Variants in ITK observed in about 807,000 individuals in gnomAD.
ITK encodes IL2 inducible T cell kinase.
Under a neutral mutation model 87.6 loss-of-function variants are expected in ITK, and 45 were observed. The observed-to-expected ratio is 0.51, with a 90% confidence interval of 0.40 to 0.66. The LOEUF (loss-of-function observed/expected upper bound fraction) is 0.66. ITK is among the 30% of genes least tolerant of loss of function. The pLI is 0.00. For missense variants in ITK, 605 were observed against 766.3 expected, an observed-to-expected ratio of 0.79 and a Z score of 2.48; for synonymous variants, 303 against 273.6, an observed-to-expected ratio of 1.11 and a Z score of -1.06.
intron 1 of ITK, among the ~76,000 whole-genome samples, chr5:157,201,603 C>G (rs1020595384): frequency 7.2e-5 from 11 of 151,878 alleles, no homozygotes; most frequent in Admixed American, 5.9e-4. Context: ...GGCCAATTTC[C>G]ACTTTTAACA....
chr5:157,186,187 C>T (rs1175016479), intron 1 of ITK, among the ~76,000 whole-genome samples: 1 of 152,252 alleles, frequency 6.6e-6, no homozygotes, highest in East Asian at 1.9e-4. Context: ...TGGGTTATTA[C>T]ACAGTATGCA....
intron 16 of ITK, among the ~76,000 whole-genome samples, chr5:157,249,762 T>C (rs151317680): frequency 2.2e-4 from 33 of 152,334 alleles, no homozygotes; most frequent in African/African-American, 7.2e-4. Context: ...TAAATAATGC[T>C]TGGTCTGTGA....
At chr5:157,205,487 T>TTTAAAACATTTTAAAA (rs1157056870) in intron 1 of ITK, among the ~76,000 whole-genome samples, 1 of 152,222 alleles carries the variant, frequency 6.6e-6, no homozygotes, top group East Asian at 1.9e-4. Flanking sequence ...TAAAAGACAT[T>TTTAAAACATTTTAAAA]TGTTTACATT....
rs1753502417 is a variant in ITK at position 157,181,048 on chromosome 5, C to T, written c.71C>T (p.Ser24Leu). ...CAACAAAAGAGAAGAACTTCTCCCT[C>T]GAACTTTAAAGTCCGCTTCTTTGTG... ...KSQQKRRTSP[S>L]NFKVRFFVLT... Residue 24 changes from serine (S) to leucine (L), a missense_variant, in exon 1 of 17, where the codon TCG (serine) becomes TTG (leucine). By Grantham distance (145) the Ser-to-Leu change is moderately radical. Coordinates refer to ENST00000422843, the MANE Select transcript of ITK (RefSeq NM_005546.4). The T allele has an allele frequency of 3.1e-6, 5 of 1,613,946 alleles. No homozygotes were observed. Among genetic ancestry groups the T allele is most frequent in the African/African-American group, 1.3e-5 (1 of 75,038 alleles).
Sources: gnomAD v4.1 joint callset for allele counts (sites outside exome capture counted in the v4.1 genomes callset) on GRCh38, gnomAD v4.1.1 for gene constraint, MANE v1.5 for transcripts, NCBI Gene and HGNC (gene_info 2026-07-23, HGNC 2026-07-21) for gene names.